The following OLAH variants were observed in gnomAD, a reference collection of about 807,000 sequenced individuals.
OLAH encodes S-acyl fatty acid synthase thioesterase, medium chain.
A neutral mutation model predicts 27.8 loss-of-function variants in OLAH; 33 were observed. The observed-to-expected ratio is 1.19, with a 90% confidence interval of 0.90 to 1.59. The LOEUF is 1.59. Among genes scored for constraint, OLAH ranks in the 40% most tolerant of loss-of-function variants. The probability of loss-of-function intolerance (pLI) is 0.00; values close to 1 mark genes in which losing one functional copy is unlikely to be tolerated. For missense variants in OLAH, 359 were observed against 310.8 expected (o/e 1.16, Z -1.17); for synonymous variants, 120 against 102.9 (o/e 1.17, Z -1.01).
Position 15,049,906 on chromosome 10 carries a change from C to T in OLAH, c.163+141C>T, listed in dbSNP as rs867552021. 2.7e-4 allele frequency: 206 copies of T among 761,586 alleles called. No homozygotes were observed. In the Middle Eastern group the frequency reaches 3.7e-3, roughly 14 times the overall value. The allele number at this position is 761,586 out of a possible 1,614,324, so 47.2% of individuals were successfully genotyped here. A position where few individuals can be genotyped will look rare whatever the true frequency, so the allele number is the denominator to read the frequency against. On this transcript the variant is annotated intron_variant, in intron 3 of 7. Coordinates refer to ENST00000378228, the MANE Select transcript of OLAH (RefSeq NM_001039702.3). ...TCAAGATTATGCTTCAATAGGGTGACTTTTATGTTTCTAAAGTAACTTTCT... is the reference window on the plus strand; with the variant it reads ...TCAAGATTATGCTTCAATAGGGTGATTTTTATGTTTCTAAAGTAACTTTCT...
intron 3 of OLAH, among the ~76,000 whole-genome samples, chr10:15,055,200 T>C (rs1342019707): frequency 1.3e-5 from 2 of 152,214 alleles, no homozygotes; most frequent in Non-Finnish European, 2.9e-5. Context: ...TTATACTTTC[T>C]ATATTCTGTA....
chr10:15,048,927 C>G (rs895578809), intron 2 of OLAH, among the ~76,000 whole-genome samples: 3 of 151,838 alleles, frequency 2.0e-5, no homozygotes, highest in Non-Finnish European at 4.4e-5. Flanking sequence ...CATGGAGAAA[C>G]CCCGTCTCTA....
chr10:15,051,317 C>G (rs763303677), intron 3 of OLAH, among the ~76,000 whole-genome samples: 2 of 152,122 alleles, frequency 1.3e-5, no homozygotes, highest in Non-Finnish European at 2.9e-5. Flanking sequence ...GAATTCTTAA[C>G]AATTCTGATT....
At chr10:15,046,193 A>G (rs1211713703) in intron 1 of OLAH, among the ~76,000 whole-genome samples, 1 of 151,592 alleles carries the variant, frequency 6.6e-6, no homozygotes, top group Non-Finnish European at 1.5e-5. Context: ...TAAAAATACA[A>G]AAGTTATCTG....
Position 15,047,181 on chromosome 10 carries a change from C to T in OLAH, c.-108C>T, listed in dbSNP as rs1050861043. ...TTTAAAAAGAAATCTACTCACTCTT[C>T]TGTGTGCATAAGGCCGAGCAGAGGT... On this transcript the variant is annotated 5_prime_UTR_variant, in exon 2 of 8. Transcript: ENST00000378228. 9.7e-7 allele frequency: 1 copy of T among 1,029,764 alleles called. No individual in the cohort carries two copies. Among genetic ancestry groups the T allele is most frequent in the Non-Finnish European group, 1.4e-6 (1 of 701,066 alleles). 63.8% of individuals were successfully genotyped at this position (1,029,764 alleles called of 1,614,324 possible).
At chr10:15,064,337 A>T in intron 4 of OLAH, 66 bp from the exon 5 acceptor site, 1 of 877,480 alleles carries the variant, frequency 1.1e-6, no homozygotes, top group Non-Finnish European at 1.9e-6. Flanking sequence ...GTTCCTTTTG[A>T]CTTTCGGTGG....
intron 3 of OLAH, 132 bp downstream of exon 3, chr10:15,049,897 A>G (rs1300367751): frequency 3.7e-6 from 3 of 801,570 alleles, no homozygotes; most frequent in Non-Finnish European, 5.8e-6. Flanking sequence ...TTATGCTTCA[A>G]TAGGGTGACT....
chr10:15,062,216 A>G (rs10752350), intron 4 of OLAH: 70,090 of 166,374 alleles, frequency 0.42, 15,089 homozygotes, highest in East Asian at 0.59. Context: ...ATCTCTTATC[A>G]GTTGTATGAC....
At chr10:15,044,563 A>G (rs1488035432) in intron 1 of OLAH, among the ~76,000 whole-genome samples, 1 of 151,486 alleles carries the variant, frequency 6.6e-6, no homozygotes, top group South Asian at 2.1e-4. Context: ...TGCATCTCCT[A>G]TCTTCCATCT....
At chr10:15,059,273 A>G (rs2131364129) in intron 3 of OLAH, among the ~76,000 whole-genome samples, 1 of 146,118 alleles carries the variant, frequency 6.8e-6, no homozygotes, top group Non-Finnish European at 1.5e-5. Context: ...TGTAGCCTCA[A>G]CCTCCCAGGC....
intron 1 of OLAH, among the ~76,000 whole-genome samples, chr10:15,044,888 G>T (rs892929300): frequency 2.6e-5 from 4 of 152,106 alleles, no homozygotes; most frequent in Non-Finnish European, 5.9e-5. Flanking sequence ...TCTCTATAAA[G>T]ATTGCTTTTT....
rs1456954633 is a variant in OLAH at position 15,065,616 on chromosome 10, T to C, written c.435T>C (p.Asp145=). The stretch of plus-strand genomic sequence containing the variant: ...CCTGGCATCGCATTCCCAAAGATGA[T>C]GAATTGTCAGAAGAACAAATAAGTC... ...SKAWHRIPKD[D]ELSEEQISHY... The change falls in exon 6 of 8, where the codon GAT becomes GAC. Residue 145 remains aspartate, a synonymous_variant. Transcript: ENST00000378228. 2 of 1,612,388 alleles carry C rather than the reference T, an allele frequency of 1.2e-6. No homozygotes were observed. The highest frequency in any genetic ancestry group is 1.3e-5 in the African/African-American group (1 of 74,948).
intron 3 of OLAH, among the ~76,000 whole-genome samples, chr10:15,052,286 AAAAT>A (rs1844158906): frequency 6.6e-6 from 1 of 152,198 alleles, no homozygotes; most frequent in African/African-American, 2.4e-5. Context: ...CTGCCTAAAA[AAAAT>A]AAATAAAAAC....
At chr10:15,061,982 G>A in intron 4 of OLAH, 120 bp downstream of exon 4, 1 of 862,200 alleles carries the variant, frequency 1.2e-6, no homozygotes, top group Non-Finnish European at 1.7e-6. Flanking sequence ...CAGCATGTTA[G>A]GTAATTATGG....
intron 1 of OLAH, among the ~76,000 whole-genome samples, chr10:15,045,106 T>G (rs1334681949): frequency 1.3e-5 from 2 of 152,192 alleles, no homozygotes; most frequent in Non-Finnish European, 2.9e-5. Context: ...TCACTGTTAT[T>G]CTTACCGGAG....
chr10:15,033,151 A>T (rs939282682), intron 1 of OLAH, among the ~76,000 whole-genome samples: 1 of 152,016 alleles, frequency 6.6e-6, no homozygotes, highest in African/African-American at 2.4e-5. Context: ...TGCTAGAATT[A>T]CAGGCCTGAA....
chr10:15,036,356 G>A (rs905100983), intron 1 of OLAH, among the ~76,000 whole-genome samples: 4 of 152,114 alleles, frequency 2.6e-5, no homozygotes, highest in Admixed American at 2.6e-4. Flanking sequence ...AAATTAGCTG[G>A]GCCTGGTGGT....
At chr10:15,039,436 G>A (rs1483500250), upstream of OLAH, among the ~76,000 whole-genome samples, 1 of 152,130 alleles carries the variant, frequency 6.6e-6, no homozygotes, top group East Asian at 1.9e-4. Context: ...AATTAGCTGA[G>A]TGTGGTGATG....
At chr10:15,051,468 G>A (rs1052664070) in intron 3 of OLAH, among the ~76,000 whole-genome samples, 14 of 152,212 alleles carry the variant, frequency 9.2e-5, no homozygotes, top group Non-Finnish European at 4.4e-5. Context: ...CCTTGCAGGT[G>A]AGTGTTCAGC....
Sources: allele counts gnomAD v4.1 joint callset (sites outside exome capture counted in the v4.1 genomes callset), GRCh38; gene constraint gnomAD v4.1.1; transcripts MANE v1.5; gene names NCBI Gene and HGNC (gene_info 2026-07-23, HGNC 2026-07-21).